The following RIDA variants were observed in gnomAD, a reference collection of about 807,000 sequenced individuals.
RIDA encodes reactive intermediate imine deaminase A, also known as 2-iminobutanoate/2-iminopropanoate deaminase.
Under a neutral mutation model 17.8 loss-of-function variants are expected in RIDA, and 17 were observed. The observed-to-expected ratio is 0.96, with a 90% CI of 0.65 to 1.43. The LOEUF (loss-of-function observed/expected upper bound fraction) is 1.43. Among genes scored for constraint, RIDA ranks in the 40% most tolerant of loss-of-function variants. The pLI, the probability that RIDA is intolerant of heterozygous loss-of-function variation, is 0.00. For synonymous variants in RIDA, 48 were observed against 55.7 expected (o/e 0.86, Z 0.62); for missense variants, 158 against 161.7 (o/e 0.98, Z 0.12).
chr8:98,115,154 G>A (rs981107483), intron 1 of RIDA, among the ~76,000 whole-genome samples: 3 of 152,072 alleles, frequency 2.0e-5, no homozygotes, highest in East Asian at 1.9e-4. Flanking sequence ...TTGGGAAGCC[G>A]AGGTAGGTGG....
intron 5 of RIDA, 133 bp downstream of exon 5, chr8:98,104,356 G>A (rs760149521): frequency 2.8e-6 from 2 of 722,996 alleles, no homozygotes; most frequent in South Asian, 1.5e-5. Context: ...CAAAGCACTG[G>A]GATTACAGGG....
At chr8:98,114,301 C>T (rs1289832355) in intron 1 of RIDA, among the ~76,000 whole-genome samples, 2 of 151,078 alleles carry the variant, frequency 1.3e-5, no homozygotes, top group Admixed American at 6.7e-5. Flanking sequence ...TATTGGAAAC[C>T]ACCACAACCT....
intron 1 of RIDA, among the ~76,000 whole-genome samples, chr8:98,111,366 G>T (rs112521455): frequency 7.2e-5 from 11 of 152,298 alleles, no homozygotes; most frequent in Non-Finnish European, 1.3e-4. Context: ...CCAGCACTTT[G>T]GGAGGCTGAG....
At chr8:98,114,126 T>C (rs1374119123) in intron 1 of RIDA, among the ~76,000 whole-genome samples, 1 of 151,956 alleles carries the variant, frequency 6.6e-6, no homozygotes, top group East Asian at 1.9e-4. Flanking sequence ...CCCGGGAGGT[T>C]GAGGCGACAA....
At chr8:98,103,127 C>T (rs932148644) in intron 5 of RIDA, among the ~76,000 whole-genome samples, 5 of 152,100 alleles carry the variant, frequency 3.3e-5, no homozygotes, top group African/African-American at 1.2e-4. Flanking sequence ...CTCACAGAAG[C>T]CCTATTAGAG....
intron 1 of RIDA, among the ~76,000 whole-genome samples, chr8:98,114,068 C>T (rs1263531111): frequency 2.0e-5 from 3 of 152,170 alleles, no homozygotes; most frequent in African/African-American, 4.8e-5. Context: ...GTGGCCTGAG[C>T]CTGTAGCCCC....
At chr8:98,116,637 CTG>C (rs1815833438) in intron 1 of RIDA, among the ~76,000 whole-genome samples, 1 of 151,594 alleles carries the variant, frequency 6.6e-6, no homozygotes, top group Non-Finnish European at 1.5e-5. Flanking sequence ...CTGCACAACT[CTG>C]TGAGTATGGT....
At chr8:98,103,927 C>T (rs146576807) in intron 5 of RIDA, among the ~76,000 whole-genome samples, 11,169 of 152,074 alleles carry the variant, frequency 0.073, 493 homozygotes, top group Middle Eastern at 0.23. Context: ...CGTGAGCCAC[C>T]GCGCCTGGCC....
At chr8:98,107,692 G>T (rs947762561) in intron 2 of RIDA, among the ~76,000 whole-genome samples, 10 of 151,910 alleles carry the variant, frequency 6.6e-5, no homozygotes, top group Admixed American at 5.2e-4. Flanking sequence ...CCACCTCCCA[G>T]GTTTAAGCGA....
intron 4 of RIDA, among the ~76,000 whole-genome samples, chr8:98,105,188 A>G (rs1815617203): frequency 6.9e-6 from 1 of 145,506 alleles, no homozygotes; most frequent in South Asian, 2.3e-4. Flanking sequence ...ATGTGAATGG[A>G]GTTTTGTTTT....
intron 1 of RIDA, among the ~76,000 whole-genome samples, chr8:98,112,058 A>T (rs1286411151): frequency 6.6e-6 from 1 of 152,134 alleles, no homozygotes; most frequent in Non-Finnish European, 1.5e-5. Context: ...GAATATCATG[A>T]AGATCTTTCC....
At chr8:98,116,757 C>T (rs1015222045) in intron 1 of RIDA, among the ~76,000 whole-genome samples, 6 of 152,202 alleles carry the variant, frequency 3.9e-5, no homozygotes, top group Admixed American at 1.3e-4. Context: ...TCCCCCAAAA[C>T]AAAACACAGG....
At chr8:98,108,416 G>C (rs1815664651) in intron 2 of RIDA, among the ~76,000 whole-genome samples, 1 of 151,772 alleles carries the variant, frequency 6.6e-6, no homozygotes, top group Admixed American at 6.6e-5. Flanking sequence ...CAGGTTTAAG[G>C]TCACCTTAGT....
intron 1 of RIDA, among the ~76,000 whole-genome samples, chr8:98,110,733 G>A (rs1030876717): frequency 6.6e-6 from 1 of 152,146 alleles, no homozygotes; most frequent in Non-Finnish European, 1.5e-5. Flanking sequence ...TTCTGATATG[G>A]CTTGGCTGTG....
At chr8:98,112,302 G>C (rs926292322) in intron 1 of RIDA, among the ~76,000 whole-genome samples, 1 of 151,736 alleles carries the variant, frequency 6.6e-6, no homozygotes, top group Non-Finnish European at 1.5e-5. Flanking sequence ...CTATGTACAG[G>C]ATCCTGCCTC....
At position 98,105,882 on chromosome 8, in the gene RIDA, G is replaced by T; in HGVS notation, c.295+56C>A. On this transcript the variant is annotated intron_variant, in intron 4 of 5. Transcript: ENST00000254878. ...ATTCATAATGCACATTCATTAATGT[G>T]ACCAGATTTCTTTCTTTTTAAAAAT... 3.8e-6 allele frequency: 4 copies of T among 1,047,146 alleles called. No homozygotes were observed. In the South Asian group the frequency reaches 3.8e-5, roughly 10 times the overall value. 64.9% of individuals were successfully genotyped at this position (1,047,146 alleles called of 1,614,324 possible).
intron 1 of RIDA, chr8:98,113,753 G>A (rs1563765160): frequency 1.3e-5 from 2 of 152,106 alleles, no homozygotes; most frequent in Admixed American, 6.5e-5. Context: ...AGGACAAAGT[G>A]TCTCTAATAA....
chr8:98,106,804 C>T (rs1815638349), intron 2 of RIDA, among the ~76,000 whole-genome samples: 2 of 152,128 alleles, frequency 1.3e-5, no homozygotes, highest in Admixed American at 6.5e-5. Flanking sequence ...TTTGGATTCA[C>T]TCTTCCCACT....
rs775214270 is a variant in RIDA, at chr8:98,106,018, A to G, written c.227-12T>C. On this transcript the variant is annotated splice_polypyrimidine_tract_variant and intron_variant, in intron 3 of 5. Transcript: ENST00000254878. ...AGTTGTTTTCACCACTAGAAGATATAAACATTGTCATTAGGTTTAGTTATT... is the reference window on the plus strand; with the variant it reads ...AGTTGTTTTCACCACTAGAAGATATGAACATTGTCATTAGGTTTAGTTATT... 6 of 1,575,582 alleles carry G rather than the reference A, an allele frequency of 3.8e-6. No homozygotes were observed. In the Admixed American group the frequency reaches 1.0e-4, roughly 26 times the overall value.
Sources: gnomAD v4.1 joint callset for allele counts (sites outside exome capture counted in the v4.1 genomes callset) on GRCh38, gnomAD v4.1.1 for gene constraint, MANE v1.5 for transcripts, NCBI Gene and HGNC (gene_info 2026-07-23, HGNC 2026-07-21) for gene names.